RBFOX1: variants seen among roughly 807,000 people sequenced by gnomAD.
The protein encoded by RBFOX1 is RNA binding fox-1 homolog 1.
Under a neutral mutation model 57.7 loss-of-function variants are expected in RBFOX1, and 8 were observed. The ratio of observed to expected loss-of-function variants is 0.14; its 90% confidence interval spans 0.08 to 0.25. The LOEUF is 0.25. Among genes scored for constraint, RBFOX1 ranks in the 10% least tolerant of loss-of-function variants. RBFOX1 has a pLI of 1.00. For synonymous variants in RBFOX1, 326 were observed against 222.4 expected, an observed-to-expected ratio of 1.47 and a Z score of -4.15; for missense variants, 611 against 548.5, an observed-to-expected ratio of 1.11 and a Z score of -1.14.
intron 2 of RBFOX1, among the ~76,000 whole-genome samples, chr16:6,486,661 T>A (rs543184566): frequency 1.3e-4 from 20 of 148,792 alleles, no homozygotes; most frequent in African/African-American, 2.0e-4. Context: ...ATTTTATTAT[T>A]TTTTTTTTTG....
intron 11 of RBFOX1, among the ~76,000 whole-genome samples, chr16:7,651,705 A>G (rs945550058): frequency 1.3e-5 from 2 of 152,152 alleles, no homozygotes; most frequent in Non-Finnish European, 2.9e-5. Flanking sequence ...GCCCCTTGAG[A>G]GGTTTGCTCT....
intron 2 of RBFOX1, among the ~76,000 whole-genome samples, chr16:6,441,531 C>T (rs1046424519): frequency 2.6e-5 from 4 of 152,138 alleles, no homozygotes; most frequent in African/African-American, 9.7e-5. Context: ...ATTCTCCTGC[C>T]TCAGCCTCCC....
intron 1 of RBFOX1, among the ~76,000 whole-genome samples, chr16:5,410,157 A>G (rs2066980789): frequency 6.6e-6 from 1 of 151,968 alleles, no homozygotes; most frequent in African/African-American, 2.4e-5. Context: ...TCAGCCCAGG[A>G]GTTCGAGACC....
chr16:6,818,836 C>G (rs1046328677), intron 3 of RBFOX1, among the ~76,000 whole-genome samples: 1 of 152,140 alleles, frequency 6.6e-6, no homozygotes, highest in Non-Finnish European at 1.5e-5. Flanking sequence ...CTGGGCATAT[C>G]GCCCAACTCA....
chr16:6,049,053 CTTTTTTTTTT>C (rs534794320), intron 1 of RBFOX1, among the ~76,000 whole-genome samples: 7 of 112,894 alleles, frequency 6.2e-5, no homozygotes, highest in Non-Finnish European at 1.1e-4. Flanking sequence ...CTTCTAACAG[CTTTTTTTTTT>C]TTTTTTTTTT....
chr16:6,741,511 A>C (rs1181755854), intron 3 of RBFOX1, among the ~76,000 whole-genome samples: 2 of 151,928 alleles, frequency 1.3e-5, no homozygotes, highest in Non-Finnish European at 2.9e-5. Context: ...TAAAAGTACA[A>C]ATTTTAGCCA....
At chr16:7,562,198 G>A (rs957401760) in intron 5 of RBFOX1, among the ~76,000 whole-genome samples, 1 of 152,212 alleles carries the variant, frequency 6.6e-6, no homozygotes. Context: ...GGTGCGGGAT[G>A]TCATGGCACA....
At position 7,522,059 on chromosome 16, in the gene RBFOX1, T is replaced by C. The variant is rs542227572; in HGVS notation, c.270+3670T>C. 1.5e-4 allele frequency among the ~76,000 whole-genome samples: 23 copies of C among 152,324 alleles called. No homozygotes were observed. In the South Asian group the frequency reaches 4.8e-3, roughly 32 times the overall value. ...TGTGGTGTTATCTTCATTCAGTGGC[T>C]GAGGCTGGTACTGAGTGTCCCAGCC... On this transcript the variant is annotated intron_variant, in intron 5 of 15. Coordinates refer to ENST00000550418, the MANE Select transcript of RBFOX1 (RefSeq NM_018723.4).
chr16:7,156,485 A>C lies in RBFOX1; in HGVS notation c.27+104387A>C, dbSNP rs145875786. Among the ~76,000 whole-genome samples the C allele has an allele frequency of 4.4e-3, 664 of 152,240 alleles. 2 individuals are homozygous for C. The highest frequency in any genetic ancestry group is 0.015 in the African/African-American group (636 of 41,552). On this transcript the variant is annotated intron_variant, in intron 4 of 15. Coordinates refer to ENST00000550418, the MANE Select transcript of RBFOX1 (RefSeq NM_018723.4). ...TACATGCACATATACAGGTAGATAC[A>C]CATCTATGTGTGCATATACATGTAC...
intron 3 of RBFOX1, among the ~76,000 whole-genome samples, chr16:6,784,191 T>G (rs1031159537): frequency 6.6e-6 from 1 of 152,122 alleles, no homozygotes; most frequent in African/African-American, 2.4e-5. Context: ...GTTATTTTTT[T>G]GAATAAACTT....
intron 4 of RBFOX1, among the ~76,000 whole-genome samples, chr16:7,097,388 A>G (rs529113214): frequency 1.1e-3 from 162 of 152,268 alleles, no homozygotes; most frequent in African/African-American, 3.7e-3. Flanking sequence ...TGCTTGCATC[A>G]ACCCCAGTAT....
chr16:5,558,063 C>T (rs1380529787), intron 2 of RBFOX1, among the ~76,000 whole-genome samples: 1 of 152,188 alleles, frequency 6.6e-6, no homozygotes, highest in Non-Finnish European at 1.5e-5. Flanking sequence ...CCCCCGCTTC[C>T]AGCTCCCCAT....
intron 8 of RBFOX1, among the ~76,000 whole-genome samples, chr16:7,596,168 T>C (rs1254748689): frequency 6.8e-6 from 1 of 146,254 alleles, no homozygotes; most frequent in Non-Finnish European, 1.5e-5. Flanking sequence ...TTACTAAACC[T>C]CTCGTTTTTT....
chr16:7,013,756 C>T (rs1357807153), intron 3 of RBFOX1, among the ~76,000 whole-genome samples: 1 of 151,944 alleles, frequency 6.6e-6, no homozygotes, highest in Non-Finnish European at 1.5e-5. Flanking sequence ...CTCCCAGGCT[C>T]AAGCAATCCT....
chr16:6,753,435 T>C (rs4786119), intron 3 of RBFOX1, among the ~76,000 whole-genome samples: 72,414 of 152,010 alleles, frequency 0.48, 17,382 homozygotes, highest in East Asian at 0.6. Flanking sequence ...TTCTTTTATT[T>C]AGGGATGCTT....
chr16:7,334,753 A>G (rs2096755442), intron 4 of RBFOX1, among the ~76,000 whole-genome samples: 2 of 152,204 alleles, frequency 1.3e-5, no homozygotes, highest in Non-Finnish European at 1.5e-5. Flanking sequence ...AGAAGATGCA[A>G]GGGCCAGCTG....
chr16:7,593,299 T>C (rs992191148), intron 7 of RBFOX1, among the ~76,000 whole-genome samples: 1 of 152,186 alleles, frequency 6.6e-6, no homozygotes, highest in Non-Finnish European at 1.5e-5. Flanking sequence ...CCTTCTGATA[T>C]GCGGCTAAGT....
chr16:6,707,189 C>T (rs570005692), intron 3 of RBFOX1, among the ~76,000 whole-genome samples: 1 of 152,082 alleles, frequency 6.6e-6, no homozygotes, highest in African/African-American at 2.4e-5. Context: ...GTTAACATGT[C>T]GTTTGATCAT....
intron 1 of RBFOX1, among the ~76,000 whole-genome samples, chr16:6,253,767 A>G (rs2097642622): frequency 6.6e-6 from 1 of 151,836 alleles, no homozygotes; most frequent in Non-Finnish European, 1.5e-5. Flanking sequence ...TTTGGAATTC[A>G]AAATTGTGCT....
Sources: gnomAD v4.1 joint callset for allele counts (sites outside exome capture counted in the v4.1 genomes callset) on GRCh38, gnomAD v4.1.1 for gene constraint, MANE v1.5 for transcripts, NCBI Gene and HGNC (gene_info 2026-07-23, HGNC 2026-07-21) for gene names.